Variants in CCDC7 observed in about 807,000 individuals in gnomAD.
CCDC7 encodes coiled-coil domain containing 7, also known as coiled-coil domain-containing protein 7.
In CCDC7, 183 loss-of-function variants were observed where a neutral mutation model predicts 196.9. The ratio of observed to expected loss-of-function variants is 0.93; its 90% CI spans 0.82 to 1.05. The LOEUF is 1.05. Ranked by LOEUF, CCDC7 falls within the 50% of genes least tolerant of loss-of-function variation. CCDC7 has a pLI of 0.00. For missense variants in CCDC7, 1,540 were observed against 1,482.2 expected (o/e 1.04, Z -0.64); for synonymous variants, 525 against 484.6 (o/e 1.08, Z -1.10).
intron 2 of CCDC7, among the ~76,000 whole-genome samples, chr10:32,455,567 T>G (rs1484772963): frequency 6.6e-6 from 1 of 152,136 alleles, no homozygotes; most frequent in East Asian, 1.9e-4. Context: ...TCCAACTGCC[T>G]CAGCCTCCCA....
chr10:32,814,275 G>A (rs564027643), intron 30 of CCDC7, 95 bp from the exon 32 acceptor site: 2 of 886,946 alleles, frequency 2.3e-6, no homozygotes, highest in East Asian at 2.5e-5. Flanking sequence ...TTTTAAGTTA[G>A]TAACACACAC....
intron 9 of CCDC7, chr10:32,512,825 C>T (rs2046424017): frequency 6.6e-6 from 1 of 151,752 alleles, no homozygotes; most frequent in South Asian, 2.1e-4. Flanking sequence ...AAAAATTGGC[C>T]AATAAACATT....
intron 18 of CCDC7, among the ~76,000 whole-genome samples, chr10:32,597,787 A>G (rs1195424395): frequency 6.6e-6 from 1 of 152,192 alleles, no homozygotes; most frequent in Non-Finnish European, 1.5e-5. Context: ...CTGGCGGTCC[A>G]CGCCAGACCC....
chr10:32,451,846 C>T (rs375863955), exon 1 of CCDC7: 84 of 1,613,970 alleles, frequency 5.2e-5, no homozygotes, highest in Non-Finnish European at 6.8e-5. Context: ...ATGCTTTGCC[C>T]ATTCCATCGA....
intron 32 of CCDC7, among the ~76,000 whole-genome samples, chr10:32,833,357 A>ATT (rs771667175): frequency 0.24 from 23,618 of 100,100 alleles, 2,399 homozygotes; most frequent in Non-Finnish European, 0.3. Context: ...TTTTTTTAAA[A>ATT]AAAAAAAAAA....
chr10:32,668,271 A>G (rs1195261522), intron 21 of CCDC7, among the ~76,000 whole-genome samples: 1 of 152,138 alleles, frequency 6.6e-6, no homozygotes, highest in Non-Finnish European at 1.5e-5. Context: ...GATTTTGGGC[A>G]GAGATGATGG....
intron 11 of CCDC7, among the ~76,000 whole-genome samples, chr10:32,526,977 A>C (rs2048773623): frequency 6.6e-6 from 1 of 152,144 alleles, no homozygotes; most frequent in African/African-American, 2.4e-5. Context: ...CCCTACAAAT[A>C]GTCTAGAAAT....
intron 30 of CCDC7, among the ~76,000 whole-genome samples, chr10:32,807,753 C>A (rs2086142426): frequency 6.6e-6 from 1 of 151,794 alleles, no homozygotes; most frequent in South Asian, 2.1e-4. Flanking sequence ...AGAGGGAGCT[C>A]ATGTGAGTCA....
intron 13 of CCDC7, among the ~76,000 whole-genome samples, chr10:32,549,242 C>A (rs879925887): frequency 6.6e-6 from 1 of 151,950 alleles, no homozygotes; most frequent in Non-Finnish European, 1.5e-5. Flanking sequence ...CGTTCTTAGC[C>A]CACTTTTTGA....
At chr10:32,482,285 T>A (rs989888651) in intron 8 of CCDC7, among the ~76,000 whole-genome samples, 1 of 152,086 alleles carries the variant, frequency 6.6e-6, no homozygotes, top group Non-Finnish European at 1.5e-5. Context: ...GGGCTTTTAG[T>A]GTACCCATCA....
chr10:32,512,187 T>C (rs1467054347), intron 9 of CCDC7: 3 of 166,070 alleles, frequency 1.8e-5, no homozygotes, highest in Non-Finnish European at 3.9e-5. Context: ...TGATTCCTTT[T>C]TGGTGAACAG....
rs1325879549 is a variant in CCDC7 at position 32,861,616 on chromosome 10, C to T, written c.4111+7127C>T. On this transcript the variant is annotated intron_variant, in intron 41 of 41. Coordinates refer to ENST00000639629, the Ensembl canonical transcript of CCDC7. ...GCTTCTGCACAGCAAAAGAAACTATCATCATAGTGAACAGGCAACCTACAG... is the reference window on the plus strand; with the variant it reads ...GCTTCTGCACAGCAAAAGAAACTATTATCATAGTGAACAGGCAACCTACAG... Among the ~76,000 whole-genome samples the T allele has an allele frequency of 2.0e-5, 3 of 152,284 alleles. No homozygotes were observed. In the South Asian group the frequency reaches 6.2e-4, roughly 32 times the overall value.
At chr10:32,699,851 T>C (rs1158904964) in intron 24 of CCDC7, among the ~76,000 whole-genome samples, 1 of 149,638 alleles carries the variant, frequency 6.7e-6, no homozygotes, top group African/African-American at 2.6e-5. Flanking sequence ...ATAAATGTCT[T>C]CTTTTGAGAA....
chr10:32,549,840 G>A (rs1438712873), intron 13 of CCDC7, among the ~76,000 whole-genome samples: 1 of 152,124 alleles, frequency 6.6e-6, no homozygotes, highest in Non-Finnish European at 1.5e-5. Context: ...TTGAAATCAG[G>A]TAGTGTGATG....
At chr10:32,654,190 A>G (rs886714812) in intron 20 of CCDC7, among the ~76,000 whole-genome samples, 8 of 152,116 alleles carry the variant, frequency 5.3e-5, no homozygotes, top group Admixed American at 2.6e-4. Flanking sequence ...CATGCTATTG[A>G]TTTTCTTTCA....
rs543096399 is a variant in CCDC7, at chr10:32,671,404, A to G, written c.2122+7243A>G. Among the ~76,000 whole-genome samples, 49 of 152,294 alleles carry G rather than the reference A, an allele frequency of 3.2e-4. No homozygotes were observed. In the South Asian group the frequency reaches 5.2e-3, roughly 16 times the overall value. ...TAGCATAGGAGCAGTAGACTATATCATATAACTTAGGTGTGTAGTAGGCTA... is the reference window on the plus strand; with the variant it reads ...TAGCATAGGAGCAGTAGACTATATCGTATAACTTAGGTGTGTAGTAGGCTA... On this transcript the variant is annotated intron_variant, in intron 21 of 41. Coordinates refer to ENST00000639629, the Ensembl canonical transcript of CCDC7.
intron 29 of CCDC7, among the ~76,000 whole-genome samples, chr10:32,795,743 T>A (rs1036786669): frequency 5.9e-5 from 9 of 152,148 alleles, no homozygotes; most frequent in Admixed American, 1.3e-4. Context: ...CCATATTAAA[T>A]TTTTTTCACT....
chr10:32,657,648 C>T (rs2070260151), intron 20 of CCDC7, among the ~76,000 whole-genome samples: 1 of 152,124 alleles, frequency 6.6e-6, no homozygotes. Context: ...GGCCTCTGGG[C>T]CTGTGATGGG....
intron 30 of CCDC7, among the ~76,000 whole-genome samples, chr10:32,813,853 G>T (rs1178451904): frequency 1.3e-5 from 2 of 152,068 alleles, no homozygotes; most frequent in African/African-American, 4.8e-5. Flanking sequence ...CCTGAATATA[G>T]TCTGGCTTAT....
Sources: gnomAD v4.1 joint callset for allele counts (sites outside exome capture counted in the v4.1 genomes callset) on GRCh38, gnomAD v4.1.1 for gene constraint, MANE v1.5 for transcripts, NCBI Gene and HGNC (gene_info 2026-07-23, HGNC 2026-07-21) for gene names.